The following HM13 variants were observed in gnomAD, a reference collection of about 807,000 sequenced individuals.
The protein encoded by HM13 is histocompatibility minor 13.
In HM13, 18 loss-of-function variants were observed where a neutral mutation model predicts 50.0. The ratio of observed to expected loss-of-function variants is 0.36; its 90% CI spans 0.25 to 0.53. The LOEUF is 0.53. HM13 is among the 20% of genes least tolerant of loss of function. The pLI is 0.90. For synonymous variants in HM13, 197 were observed against 232.6 expected (o/e 0.85, Z 1.39); for missense variants, 393 against 552.4 (o/e 0.71, Z 2.89).
At position 31,514,672 on chromosome 20, in the gene HM13, C is replaced by T. The variant is rs1365316672; in HGVS notation, c.121C>T (p.Leu41Phe). The change falls in exon 1 of 13, where the codon CTC becomes TTC. Residue 41 changes from leucine (L) to phenylalanine (F), a missense_variant. Leu to Phe is a conservative substitution (Grantham distance 22). Transcript: ENST00000398174. The surrounding 1 kb of genome is among the most constrained non-coding windows in gnomAD (Gnocchi z 4.3). ...CGCGCTGGCCTACGGCAGCCTCCTGCTCATGGCGCTGCTGCCCATCTTCTT... is the reference window on the plus strand; with the variant it reads ...CGCGCTGGCCTACGGCAGCCTCCTGTTCATGGCGCTGCTGCCCATCTTCTT... Reference protein sequence around the residue: ...GIALAYGSLLLMALLPIFFGA... With the variant: ...GIALAYGSLLFMALLPIFFGA... 1.3e-6 allele frequency: 2 copies of T among 1,559,112 alleles called. No individual in the cohort carries two copies. Among genetic ancestry groups the T allele is most frequent in the Non-Finnish European group, 8.7e-7 (1 of 1,152,322 alleles).
intron 1 of HM13, among the ~76,000 whole-genome samples, chr20:31,524,182 G>T (rs1236524702): frequency 2.0e-5 from 3 of 151,868 alleles, no homozygotes; most frequent in Non-Finnish European, 4.4e-5. Flanking sequence ...CAAGGCTGCA[G>T]TGAGCTATGA....
intron 9 of HM13, among the ~76,000 whole-genome samples, chr20:31,560,768 C>G (rs1332910339): frequency 3.9e-5 from 6 of 152,232 alleles, no homozygotes; most frequent in Non-Finnish European, 1.5e-5. Flanking sequence ...GTGCAACATT[C>G]CCAAAGGGAG....
chr20:31,556,941 C>T (rs994553686), intron 8 of HM13, among the ~76,000 whole-genome samples: 2 of 151,036 alleles, frequency 1.3e-5, no homozygotes, highest in African/African-American at 2.4e-5. Context: ...ATGGCATGAA[C>T]CCGGGAGGTG....
intron 4 of HM13, chr20:31,547,342 G>A (rs1200163935): frequency 9.6e-6 from 3 of 311,314 alleles, no homozygotes; most frequent in Non-Finnish European, 1.8e-5. Flanking sequence ...AGATTTCACC[G>A]GGCCGTAAAG....
In HM13 at chr20:31,550,044, C is replaced by A; in HGVS notation, c.667-20C>A. On this transcript the variant is annotated intron_variant, in intron 6 of 12. Coordinates refer to ENST00000398174, the MANE Select transcript of HM13 (RefSeq NM_178581.3). The stretch of plus-strand genomic sequence containing the variant: ...CAGCCCCTCACTTCCCTTCATACTG[C>A]TCTTTTTTTCTCCTTCTAGGTATTT... The A allele has an allele frequency of 1.2e-6, 2 of 1,602,994 alleles. No individual in the cohort carries two copies. Among genetic ancestry groups the A allele is most frequent in the South Asian group, 2.2e-5 (2 of 90,880 alleles).
intron 8 of HM13, among the ~76,000 whole-genome samples, chr20:31,557,826 A>G (rs930563134): frequency 1.4e-5 from 2 of 146,314 alleles, no homozygotes; most frequent in South Asian, 2.1e-4. Flanking sequence ...TCCTGCCTCA[A>G]CCTCCCAAGT....
intron 4 of HM13, chr20:31,548,320 G>A (rs1467287619): frequency 2.9e-6 from 1 of 349,664 alleles, no homozygotes; most frequent in African/African-American, 2.1e-5. Context: ...GCCTCTAGTT[G>A]TCTTCTTAGG....
chr20:31,545,946 C>T (rs151320296), intron 4 of HM13, among the ~76,000 whole-genome samples: 1,669 of 152,208 alleles, frequency 0.011, 13 homozygotes, highest in Non-Finnish European at 0.019. Context: ...ATCTGCCCAC[C>T]TCAGCCTCCC....
chr20:31,545,155 C>T (rs914875426), intron 4 of HM13, 120 bp downstream of exon 4: 5 of 782,480 alleles, frequency 6.4e-6, no homozygotes, highest in Non-Finnish European at 6.5e-6. Flanking sequence ...TCTGGAATTC[C>T]ATGGCCTGGA....
chr20:31,564,150 A>G lies in HM13; in HGVS notation c.949-2060A>G, dbSNP rs528884334. On this transcript the variant is annotated intron_variant, in intron 10 of 12. Coordinates refer to ENST00000398174, the MANE Select transcript of HM13 (RefSeq NM_178581.3). ...CTCTTCACTTCATGAGCACCCATGA[A>G]GACGCACCATGAAGGAGCCATTCAC... The G allele has an allele frequency of 2.6e-5, 4 of 152,250 alleles. No homozygotes were observed. The East Asian group carries it at 7.7e-4, about 29-fold the overall frequency. 9.4% of individuals were successfully genotyped at this position (152,250 alleles called of 1,614,324 possible). A position where few individuals can be genotyped will look rare whatever the true frequency, so the allele number is the denominator to read the frequency against.
Position 31,558,763 on chromosome 20 carries a change from G to A in HM13, c.809-848G>A, listed in dbSNP as rs149701408. On this transcript the variant is annotated intron_variant, in intron 8 of 12. Coordinates refer to ENST00000398174, the MANE Select transcript of HM13 (RefSeq NM_178581.3). Reference sequence around the variant, plus strand: ...TTTTGAGACAGAGTCTCACTCTGTCGTCCAGGCTGGAGTGCAGTGGCGTGA... The same window carrying A: ...TTTTGAGACAGAGTCTCACTCTGTCATCCAGGCTGGAGTGCAGTGGCGTGA... 4.9e-3 allele frequency among the ~76,000 whole-genome samples: 750 copies of A among 152,012 alleles called. 1 individual carries two copies. Among genetic ancestry groups the A allele is most frequent in the Middle Eastern group, 0.014 (4 of 290 alleles).
At chr20:31,523,555 G>A (rs574736681) in intron 1 of HM13, among the ~76,000 whole-genome samples, 5 of 152,108 alleles carry the variant, frequency 3.3e-5, no homozygotes, top group African/African-American at 4.8e-5. Flanking sequence ...GAGCCACCAC[G>A]CCCAGCCAGT....
chr20:31,542,660 G>A (rs908326557), intron 3 of HM13, among the ~76,000 whole-genome samples: 1 of 152,144 alleles, frequency 6.6e-6, no homozygotes, highest in African/African-American at 2.4e-5. Flanking sequence ...GCGCTAGCCA[G>A]GTTGCTTGAC....
intron 1 of HM13, among the ~76,000 whole-genome samples, chr20:31,523,578 T>G (rs1196407920): frequency 6.6e-6 from 1 of 152,170 alleles, no homozygotes; most frequent in African/African-American, 2.4e-5. Context: ...TGCTGTGCAT[T>G]CCATAAAATA....
intron 8 of HM13, among the ~76,000 whole-genome samples, chr20:31,555,399 G>A (rs548013980): frequency 7.3e-5 from 11 of 150,244 alleles, no homozygotes; most frequent in African/African-American, 2.0e-4. Flanking sequence ...CTGGATCTGC[G>A]TGTGGGTTCT....
chr20:31,521,971 G>T (rs930271326), intron 1 of HM13, among the ~76,000 whole-genome samples: 1 of 150,314 alleles, frequency 6.7e-6, no homozygotes, highest in Admixed American at 6.7e-5. Context: ...TGGGATTACA[G>T]TCCAGTCTCC....
chr20:31,533,628 T>C (rs1457860008), intron 2 of HM13, among the ~76,000 whole-genome samples: 1 of 152,204 alleles, frequency 6.6e-6, no homozygotes, highest in Non-Finnish European at 1.5e-5. Flanking sequence ...TGCGACAAGT[T>C]CCCTTTCTTG....
intron 1 of HM13, among the ~76,000 whole-genome samples, chr20:31,523,263 C>T (rs1397931072): frequency 6.7e-6 from 1 of 148,252 alleles, no homozygotes; most frequent in African/African-American, 2.6e-5. Flanking sequence ...GTTGGCCAGG[C>T]TGGTCTTTTT....
At chr20:31,561,199 G>A (rs1371342431) in intron 9 of HM13, among the ~76,000 whole-genome samples, 1 of 152,210 alleles carries the variant, frequency 6.6e-6, no homozygotes. Context: ...CCAACGGTAT[G>A]AGATTCACCT....
Sources: gnomAD v4.1 joint callset for allele counts (sites outside exome capture counted in the v4.1 genomes callset) on GRCh38, gnomAD v4.1.1 for gene constraint, Gnocchi (gnomAD v3.1) non-coding constraint, MANE v1.5 for transcripts, NCBI Gene and HGNC (gene_info 2026-07-23, HGNC 2026-07-21) for gene names.